The following ANKRD30BL variants were observed in gnomAD, a reference collection of about 807,000 sequenced individuals.
ANKRD30BL encodes ankyrin repeat domain 30B like, also known as putative ankyrin repeat domain-containing protein 30B-like.
A neutral mutation model predicts 18.4 loss-of-function variants in ANKRD30BL; 20 were observed. The observed-to-expected ratio is 1.09, with a 90% CI of 0.77 to 1.58. ANKRD30BL has a LOEUF of 1.58. ANKRD30BL is among the 40% of genes most tolerant of loss of function. ANKRD30BL has a pLI of 0.00. For synonymous variants in ANKRD30BL, 72 were observed against 100.9 expected (o/e 0.71, Z 1.72); for missense variants, 224 against 268.6 (o/e 0.83, Z 1.16).
chr2:132,221,482 C>T (rs1364517972), intron 1 of ANKRD30BL, among the ~76,000 whole-genome samples: 1 of 129,802 alleles, frequency 7.7e-6, no homozygotes, highest in Admixed American at 7.1e-5. Context: ...CTCTGCCTGG[C>T]CGCCCCTACT....
chr2:132,230,622 C>T (rs536109790), intron 1 of ANKRD30BL, among the ~76,000 whole-genome samples: 5 of 151,944 alleles, frequency 3.3e-5, no homozygotes, highest in Non-Finnish European at 7.4e-5. Context: ...CGCATTGAGG[C>T]CTTCATTGGA....
At chr2:132,148,745 C>G (rs2104913173) in intron 5 of ANKRD30BL, among the ~76,000 whole-genome samples, 1 of 152,102 alleles carries the variant, frequency 6.6e-6, no homozygotes, top group Non-Finnish European at 1.5e-5. Flanking sequence ...ATGGTAATGA[C>G]ATAATAAGTG....
At chr2:132,243,137 T>C (rs984215943) in intron 1 of ANKRD30BL, among the ~76,000 whole-genome samples, 3 of 151,650 alleles carry the variant, frequency 2.0e-5, no homozygotes, top group Non-Finnish European at 4.4e-5. Flanking sequence ...TTTCTTTTGA[T>C]AAAGCAGATT....
chr2:132,248,812 G>A (rs1443446247), intron 1 of ANKRD30BL, among the ~76,000 whole-genome samples: 1 of 151,408 alleles, frequency 6.6e-6, no homozygotes, highest in Non-Finnish European at 1.5e-5. Context: ...AGGCCTCAGA[G>A]AGCTGACAAA....
chr2:132,198,444 T>C (rs1438635233), intron 1 of ANKRD30BL, among the ~76,000 whole-genome samples: 2 of 150,538 alleles, frequency 1.3e-5, no homozygotes, highest in Admixed American at 6.6e-5. Context: ...CTGCCTCAGC[T>C]TCCTGAGTAG....
At chr2:132,195,523 G>C (rs894249200) in intron 1 of ANKRD30BL, among the ~76,000 whole-genome samples, 1 of 151,860 alleles carries the variant, frequency 6.6e-6, no homozygotes, top group Non-Finnish European at 1.5e-5. Context: ...AGGCATGGTG[G>C]CTCACGCCTG....
chr2:132,222,460 C>T (rs1679718217), intron 1 of ANKRD30BL, among the ~76,000 whole-genome samples: 2 of 152,062 alleles, frequency 1.3e-5, no homozygotes, highest in African/African-American at 2.4e-5. Flanking sequence ...TAGAAGTAGA[C>T]ATGGGAGACT....
intron 1 of ANKRD30BL, among the ~76,000 whole-genome samples, chr2:132,198,319 TC>T (rs61624007): frequency 0.033 from 354 of 10,656 alleles, 11 homozygotes; most frequent in African/African-American, 0.062. Flanking sequence ...TTTCTTTCTT[TC>T]TTTCTTTTTT....
chr2:132,158,101 G>T (rs573484440), intron 1 of ANKRD30BL, among the ~76,000 whole-genome samples: 1 of 152,044 alleles, frequency 6.6e-6, no homozygotes, highest in South Asian at 2.1e-4. Flanking sequence ...ACAATTCACC[G>T]TGCCTTCCAT....
chr2:132,166,510 T>C (rs1688190192), upstream of ANKRD30BL, among the ~76,000 whole-genome samples: 1 of 152,156 alleles, frequency 6.6e-6, no homozygotes, highest in Admixed American at 6.6e-5. Flanking sequence ...CTATTTTTTC[T>C]TTTGTGAGTA....
intron 1 of ANKRD30BL, among the ~76,000 whole-genome samples, chr2:132,252,409 C>T (rs78247066): frequency 5.9e-5 from 9 of 152,284 alleles, no homozygotes; most frequent in African/African-American, 1.2e-4. Context: ...CGATGGTGGA[C>T]GACACCACAG....
intron 1 of ANKRD30BL, among the ~76,000 whole-genome samples, chr2:132,248,263 T>C (rs1198632977): frequency 6.6e-6 from 1 of 152,144 alleles, no homozygotes; most frequent in Non-Finnish European, 1.5e-5. Context: ...TTAGTTTTTA[T>C]GTGAAGATAT....
At chr2:132,165,952 G>C (rs1688181157), upstream of ANKRD30BL, among the ~76,000 whole-genome samples, 1 of 152,004 alleles carries the variant, frequency 6.6e-6, no homozygotes, top group South Asian at 2.1e-4. Context: ...AGTTTTAGGG[G>C]TTTTGTAGAT....
At chr2:132,191,965 C>T (rs1380666018) in intron 1 of ANKRD30BL, among the ~76,000 whole-genome samples, 2 of 151,952 alleles carry the variant, frequency 1.3e-5, no homozygotes, top group Non-Finnish European at 2.9e-5. Flanking sequence ...AGGATTGTCT[C>T]GATCTCCTGA....
Position 132,232,208 on chromosome 2 carries a change from C to A in ANKRD30BL, n.441+25321G>T, listed in dbSNP as rs202043175. On this transcript the variant is annotated intron_variant and non_coding_transcript_variant, in intron 1 of 4. Coordinates refer to the ANKRD30BL transcript ENST00000470729. Reference sequence around the variant, plus strand: ...GTACATCACCATCATCAAAGACCAACAGTAGACAAAATCACAAAGATGGGG... The same window carrying A: ...GTACATCACCATCATCAAAGACCAAAAGTAGACAAAATCACAAAGATGGGG... Among the ~76,000 whole-genome samples, 14 of 152,290 alleles carry A rather than the reference C, an allele frequency of 9.2e-5. No homozygotes were observed. The East Asian group carries it at 2.3e-3, about 25-fold the overall frequency.
intron 3 of ANKRD30BL, chr2:132,155,167 G>A (rs762028076): frequency 6.5e-6 from 1 of 153,294 alleles, no homozygotes; most frequent in Non-Finnish European, 1.5e-5. Context: ...ATATTCCAAA[G>A]AATAATTACC....
rs577511732 is a variant in ANKRD30BL at position 132,196,199 on chromosome 2, C to G, written n.442-39053G>C. On this transcript the variant is annotated intron_variant and non_coding_transcript_variant, in intron 1 of 4. Transcript: ENST00000470729. ...AATATAAATAAAAACAGGCAAAAGG[C>G]CAGGCATAGTGGCTTACGCCTATAA... Among the ~76,000 whole-genome samples the G allele has an allele frequency of 5.3e-5, 8 of 151,854 alleles. No individual in the cohort carries two copies. The East Asian group carries it at 1.6e-3, about 29-fold the overall frequency.
At chr2:132,222,136 C>A (rs576083425) in intron 1 of ANKRD30BL, among the ~76,000 whole-genome samples, 12 of 147,790 alleles carry the variant, frequency 8.1e-5, no homozygotes, top group Non-Finnish European at 1.6e-4. Flanking sequence ...AGGTGAGGGG[C>A]GCCTCTGCCC....
chr2:132,229,954 G>C (rs1240970627), intron 1 of ANKRD30BL, among the ~76,000 whole-genome samples: 1 of 151,918 alleles, frequency 6.6e-6, no homozygotes, highest in Non-Finnish European at 1.5e-5. Flanking sequence ...CTTTATAAAC[G>C]TGAATATCTT....
Sources: gnomAD v4.1 joint callset for allele counts (sites outside exome capture counted in the v4.1 genomes callset) on GRCh38, gnomAD v4.1.1 for gene constraint, MANE v1.5 for transcripts, NCBI Gene and HGNC (gene_info 2026-07-23, HGNC 2026-07-21) for gene names.